The following HTR1F variants were observed in gnomAD, a reference collection of about 807,000 sequenced individuals.
HTR1F encodes the protein 5-hydroxytryptamine receptor 1F.
Under a neutral mutation model 24.0 loss-of-function variants are expected in HTR1F, and 17 were observed. The ratio of observed to expected loss-of-function variants is 0.71; its 90% CI spans 0.48 to 1.06. The LOEUF is 1.06. Among genes scored for constraint, HTR1F ranks in the 50% least tolerant of loss-of-function variants. The pLI, the probability that HTR1F is intolerant of heterozygous loss-of-function variation, is 0.00. For synonymous variants in HTR1F, 186 were observed against 156.8 expected (o/e 1.19, Z -1.39); for missense variants, 391 against 427.8 (o/e 0.91, Z 0.76).
intron 2 of HTR1F, among the ~76,000 whole-genome samples, chr3:87,937,710 T>A (rs1576059550): frequency 6.6e-6 from 1 of 151,880 alleles, no homozygotes; most frequent in South Asian, 2.1e-4. Context: ...GATCACAAGG[T>A]CAGGAGATCA....
intron 2 of HTR1F, among the ~76,000 whole-genome samples, chr3:87,868,728 T>C (rs1379527846): frequency 6.6e-6 from 1 of 151,936 alleles, no homozygotes; most frequent in African/African-American, 2.4e-5. Context: ...CAAACAATGA[T>C]GTTTATTATT....
intron 2 of HTR1F, among the ~76,000 whole-genome samples, chr3:87,954,656 G>C (rs1157334505): frequency 6.6e-6 from 1 of 151,596 alleles, no homozygotes; most frequent in Non-Finnish European, 1.5e-5. Flanking sequence ...TGAAAACAAA[G>C]AGAAAGTTGA....
intron 2 of HTR1F, among the ~76,000 whole-genome samples, chr3:87,973,937 C>A (rs1385474052): frequency 2.0e-5 from 3 of 152,186 alleles, no homozygotes; most frequent in Non-Finnish European, 4.4e-5. Flanking sequence ...ATAGTCTAGG[C>A]AGGCTGCCTG....
At chr3:87,946,163 G>T (rs544615537) in intron 2 of HTR1F, among the ~76,000 whole-genome samples, 2 of 152,220 alleles carry the variant, frequency 1.3e-5, no homozygotes, top group African/African-American at 2.4e-5. Flanking sequence ...GGCAATGGGC[G>T]CATCGCTGGA....
chr3:87,932,628 A>G (rs1032340630), intron 2 of HTR1F, among the ~76,000 whole-genome samples: 15 of 152,072 alleles, frequency 9.9e-5, no homozygotes, highest in Non-Finnish European at 1.0e-4. Flanking sequence ...TCCTCAACAC[A>G]TACACTCTCC....
chr3:87,839,504 C>T (rs541516628), intron 2 of HTR1F, among the ~76,000 whole-genome samples: 16 of 152,066 alleles, frequency 1.1e-4, no homozygotes, highest in Admixed American at 9.2e-4. Flanking sequence ...CTTCCTACTT[C>T]GCTCTTTTCA....
At chr3:87,794,179 G>T (rs1173040660) in intron 1 of HTR1F, among the ~76,000 whole-genome samples, 1 of 152,110 alleles carries the variant, frequency 6.6e-6, no homozygotes, top group Non-Finnish European at 1.5e-5. Context: ...TAAAGTGAGG[G>T]TATCCACGCA....
At chr3:87,956,003 C>T (rs1437611184) in intron 2 of HTR1F, among the ~76,000 whole-genome samples, 1 of 151,332 alleles carries the variant, frequency 6.6e-6, no homozygotes, top group Non-Finnish European at 1.5e-5. Flanking sequence ...CATTCTGTGG[C>T]TTGACTTTAT....
intron 1 of HTR1F, among the ~76,000 whole-genome samples, chr3:87,814,540 C>A (rs1473997355): frequency 6.6e-6 from 1 of 152,070 alleles, no homozygotes. Flanking sequence ...ATTCTCCAGC[C>A]CCTGGTAACC....
chr3:87,904,397 T>C (rs1703611061), intron 2 of HTR1F, among the ~76,000 whole-genome samples: 1 of 152,152 alleles, frequency 6.6e-6, no homozygotes, highest in African/African-American at 2.4e-5. Context: ...TGTGTACATA[T>C]ATATATTCTC....
chr3:87,910,331 T>C (rs1482175047), intron 2 of HTR1F: 1 of 151,944 alleles, frequency 6.6e-6, no homozygotes, highest in Non-Finnish European at 1.5e-5. Flanking sequence ...TTGTGGCATC[T>C]AACCATCATT....
chr3:87,848,681 A>T (rs1244289041), intron 2 of HTR1F, among the ~76,000 whole-genome samples: 1 of 151,856 alleles, frequency 6.6e-6, no homozygotes, highest in Non-Finnish European at 1.5e-5. Flanking sequence ...CTGTTTGCAG[A>T]TGACATGATT....
At chr3:87,912,328 A>G (rs1441420645) in intron 2 of HTR1F, among the ~76,000 whole-genome samples, 2 of 152,110 alleles carry the variant, frequency 1.3e-5, no homozygotes, top group Non-Finnish European at 2.9e-5. Context: ...CAATTGCTAA[A>G]AAAAGGATAA....
At chr3:87,945,529 C>A (rs141865077) in intron 2 of HTR1F, among the ~76,000 whole-genome samples, 1 of 152,156 alleles carries the variant, frequency 6.6e-6, no homozygotes, top group South Asian at 2.1e-4. Flanking sequence ...CTTCTGGCTG[C>A]GCCATGATGT....
At chr3:87,977,275 AAAT>A (rs765487456) in intron 2 of HTR1F, among the ~76,000 whole-genome samples, 3 of 152,166 alleles carry the variant, frequency 2.0e-5, no homozygotes, top group South Asian at 4.1e-4. Context: ...TCCAGATGAC[AAAT>A]AATAATATTA....
chr3:87,984,949 G>A (rs1705630493), intron 2 of HTR1F, among the ~76,000 whole-genome samples: 3 of 152,110 alleles, frequency 2.0e-5, no homozygotes, highest in Admixed American at 2.0e-4. Flanking sequence ...ATGTAGACCT[G>A]GTTGCTACCT....
intron 2 of HTR1F, among the ~76,000 whole-genome samples, chr3:87,931,662 C>A (rs894249768): frequency 3.3e-5 from 5 of 152,152 alleles, no homozygotes; most frequent in African/African-American, 9.6e-5. Context: ...TACAGTCCCA[C>A]CAACAGTGTA....
chr3:87,838,873 T>C (rs1362160214), intron 2 of HTR1F, among the ~76,000 whole-genome samples: 2 of 151,994 alleles, frequency 1.3e-5, no homozygotes, highest in African/African-American at 4.8e-5. Flanking sequence ...TAAGGCTGTT[T>C]CCTTGTTGTT....
chr3:87,887,352 G>A (rs921947800), intron 2 of HTR1F, among the ~76,000 whole-genome samples: 2 of 152,046 alleles, frequency 1.3e-5, no homozygotes, highest in African/African-American at 4.8e-5. Flanking sequence ...TTAAATGTTA[G>A]ACCTAAAACC....
Sources: gnomAD v4.1 joint callset for allele counts (sites outside exome capture counted in the v4.1 genomes callset) on GRCh38, gnomAD v4.1.1 for gene constraint, MANE v1.5 for transcripts, NCBI Gene and HGNC (gene_info 2026-07-23, HGNC 2026-07-21) for gene names.